Variants in ARHGAP19 observed in about 807,000 individuals in gnomAD.
ARHGAP19 encodes the protein rho GTPase-activating protein 19.
Under a neutral mutation model 60.9 loss-of-function variants are expected in ARHGAP19, and 48 were observed. The ratio of observed to expected loss-of-function variants is 0.79; its 90% CI spans 0.62 to 1.00. The LOEUF (loss-of-function observed/expected upper bound fraction) is 1.00, where lower values mean the gene tolerates loss of function less well. Among genes scored for constraint, ARHGAP19 ranks in the 50% least tolerant of loss-of-function variants. The pLI is 0.00. For missense variants in ARHGAP19, 562 were observed against 597.2 expected (o/e 0.94, Z 0.61); for synonymous variants, 209 against 215.5 (o/e 0.97, Z 0.27).
At chr10:97,229,999 T>C (rs1850977538) in intron 9 of ARHGAP19, 125 bp from the exon 10 acceptor site, 1 of 694,624 alleles carries the variant, frequency 1.4e-6, no homozygotes, top group Admixed American at 3.1e-5. Flanking sequence ...TAATCCTGTA[T>C]GGACCCTCTC....
intron 6 of ARHGAP19, among the ~76,000 whole-genome samples, chr10:97,251,219 A>G (rs1332231033): frequency 3.7e-5 from 1 of 27,278 alleles, no homozygotes; most frequent in African/African-American, 1.7e-4. Flanking sequence ...GGGAAGGGGA[A>G]TGGAAGGGGA....
intron 1 of ARHGAP19, among the ~76,000 whole-genome samples, chr10:97,286,059 G>A (rs1409053497): frequency 6.6e-6 from 1 of 152,078 alleles, no homozygotes; most frequent in Non-Finnish European, 1.5e-5. Context: ...CTCTAAACCT[G>A]ATCATTGATA....
In ARHGAP19 at chr10:97,224,518, T is replaced by C. The variant is rs371019075; in HGVS notation, c.*1604A>G. The stretch of plus-strand genomic sequence containing the variant: ...ATTTTACATTTTTCTCCACTATTGC[T>C]GTTACAGCAGCAAAAGCAGCAGAAA... On this transcript the variant is annotated 3_prime_UTR_variant, in exon 12 of 12. Transcript: ENST00000358531. 6.6e-5 allele frequency: 10 copies of C among 152,376 alleles called. No homozygotes were observed. In the East Asian group the frequency reaches 1.9e-3, roughly 29 times the overall value. 9.4% of individuals were successfully genotyped at this position (152,376 alleles called of 1,614,324 possible). A position where few individuals can be genotyped will look rare whatever the true frequency, so the allele number is the denominator to read the frequency against.
At chr10:97,236,803 G>GAAAAAAAAAAAAAAAAAAAAAA (rs71007323) in intron 8 of ARHGAP19, among the ~76,000 whole-genome samples, 1 of 80,032 alleles carries the variant, frequency 1.2e-5, no homozygotes, top group African/African-American at 5.1e-5. Context: ...AACAGACTCA[G>GAAAAAAAAAAAAAAAAAAAAAA]AAAAAAAAAA....
chr10:97,242,022 AAAT>A (rs985123664), intron 8 of ARHGAP19, among the ~76,000 whole-genome samples: 5 of 140,734 alleles, frequency 3.6e-5, no homozygotes, highest in Non-Finnish European at 6.1e-5. Flanking sequence ...AAAAAAAAAA[AAAT>A]AATAATAATA....
At chr10:97,263,077 C>T (rs1345814167) in intron 4 of ARHGAP19, among the ~76,000 whole-genome samples, 1 of 152,204 alleles carries the variant, frequency 6.6e-6, no homozygotes, top group Non-Finnish European at 1.5e-5. Flanking sequence ...TGCACCACTG[C>T]ACTCCAGCCT....
chr10:97,270,545 C>A, intron 1 of ARHGAP19: 1 of 1,424,104 alleles, frequency 7.0e-7, no homozygotes, highest in South Asian at 1.3e-5. Flanking sequence ...ACTTTCTACT[C>A]TACAATATTG....
intron 2 of ARHGAP19, chr10:97,265,575 C>T (rs1842887543): frequency 2.7e-6 from 1 of 364,682 alleles, no homozygotes. Context: ...ATTATTTTCA[C>T]ATATTAATAG....
In ARHGAP19 at chr10:97,231,622, T is replaced by C. The variant is rs111531126; in HGVS notation, c.1285-1748A>G. 2.8e-3 allele frequency among the ~76,000 whole-genome samples: 422 copies of C among 152,312 alleles called. 2 individuals carry two copies. The highest frequency in any genetic ancestry group is 8.9e-3 in the African/African-American group (371 of 41,570). ...ATATCTTCAAGATTCACGCATGTTG[T>C]AGGATATGTCAGAATTTCTTTCCTT... is the stretch of plus-strand genomic sequence containing the variant. On this transcript the variant is annotated intron_variant, in intron 9 of 11. Coordinates refer to ENST00000358531, the MANE Select transcript of ARHGAP19 (RefSeq NM_032900.6).
intron 1 of ARHGAP19, among the ~76,000 whole-genome samples, chr10:97,288,469 A>G (rs1290280874): frequency 3.9e-5 from 6 of 151,920 alleles, no homozygotes; most frequent in Non-Finnish European, 8.8e-5. Flanking sequence ...AGTCCCAGCT[A>G]CTTGGGAGGC....
chr10:97,243,809 G>A (rs554449253), intron 8 of ARHGAP19, among the ~76,000 whole-genome samples, 159 bp downstream of exon 8: 1 of 152,132 alleles, frequency 6.6e-6, no homozygotes, highest in Non-Finnish European at 1.5e-5. Flanking sequence ...CTTCTGTAGT[G>A]GAGCAATGGC....
At chr10:97,279,194 G>C (rs1221559006) in intron 1 of ARHGAP19, among the ~76,000 whole-genome samples, 1 of 152,144 alleles carries the variant, frequency 6.6e-6, no homozygotes, top group East Asian at 1.9e-4. Flanking sequence ...AAAAAGAGAA[G>C]AGAAAACTAA....
intron 1 of ARHGAP19, among the ~76,000 whole-genome samples, chr10:97,273,226 A>T (rs1380973282): frequency 6.6e-6 from 1 of 151,596 alleles, no homozygotes; most frequent in Non-Finnish European, 1.5e-5. Context: ...GCAATGGCAC[A>T]GTCTTGGCTC....
At chr10:97,273,235 T>A (rs1842982283) in intron 1 of ARHGAP19, among the ~76,000 whole-genome samples, 1 of 152,090 alleles carries the variant, frequency 6.6e-6, no homozygotes, top group Admixed American at 6.6e-5. Flanking sequence ...CAGTCTTGGC[T>A]CACTGCAACC....
intron 1 of ARHGAP19, among the ~76,000 whole-genome samples, chr10:97,287,059 C>T (rs536691312): frequency 2.6e-5 from 4 of 152,216 alleles, no homozygotes; most frequent in Admixed American, 6.5e-5. Flanking sequence ...GTGATCCTCC[C>T]ACCTTAGCCT....
intron 5 of ARHGAP19, among the ~76,000 whole-genome samples, chr10:97,257,054 G>C (rs1842764241): frequency 6.6e-6 from 1 of 152,138 alleles, no homozygotes; most frequent in African/African-American, 2.4e-5. Flanking sequence ...CCGGGAGGCA[G>C]AGCTTGCAGT....
chr10:97,263,403 T>C lies in ARHGAP19; in HGVS notation c.613+17A>G. On this transcript the variant is annotated intron_variant, in intron 4 of 11. Transcript: ENST00000358531. ...AAAGAAATGTATTTACATCTCCTTC[T>C]TACTTCCTATACTCACCAGCGATTT... 1 of 1,611,334 alleles carries C rather than the reference T, an allele frequency of 6.2e-7. No homozygotes were observed. The highest frequency in any genetic ancestry group is 1.1e-5 in the South Asian group (1 of 91,020).
intron 9 of ARHGAP19, among the ~76,000 whole-genome samples, 166 bp from the exon 10 acceptor site, chr10:97,230,040 T>C (rs759280163): frequency 2.0e-5 from 3 of 151,698 alleles, no homozygotes; most frequent in African/African-American, 4.9e-5. Flanking sequence ...GGCCAAAGCA[T>C]GTTACCAAAA....
At chr10:97,273,367 T>C (rs990043712) in intron 1 of ARHGAP19, among the ~76,000 whole-genome samples, 44 of 151,896 alleles carry the variant, frequency 2.9e-4, no homozygotes, top group African/African-American at 1.0e-3. Flanking sequence ...TTCATCATGT[T>C]AGCCAGGCTG....
Sources: allele counts gnomAD v4.1 joint callset (sites outside exome capture counted in the v4.1 genomes callset), GRCh38; gene constraint gnomAD v4.1.1; transcripts MANE v1.5; gene names NCBI Gene and HGNC (gene_info 2026-07-23, HGNC 2026-07-21).